Variants in CNBD1 observed in about 807,000 individuals in gnomAD.
CNBD1 encodes the protein cyclic nucleotide-binding domain-containing protein 1.
Under a neutral mutation model 54.4 loss-of-function variants are expected in CNBD1, and 71 were observed. The observed-to-expected ratio is 1.30, with a 90% CI of 1.08 to 1.59. The LOEUF (loss-of-function observed/expected upper bound fraction) is 1.59, where lower values mean the gene tolerates loss of function less well. CNBD1 is among the 40% of genes most tolerant of loss of function. The pLI, the probability that CNBD1 is intolerant of heterozygous loss-of-function variation, is 0.00. For missense variants in CNBD1, 659 were observed against 518.0 expected, an observed-to-expected ratio of 1.27 and a Z score of -2.64; for synonymous variants, 182 against 170.7, an observed-to-expected ratio of 1.07 and a Z score of -0.51.
chr8:87,086,425 G>A (rs1218987997), intron 4 of CNBD1, among the ~76,000 whole-genome samples: 1 of 152,128 alleles, frequency 6.6e-6, no homozygotes, highest in Non-Finnish European at 1.5e-5. Flanking sequence ...TTAGAAGGTG[G>A]GAGAGGCATT....
intron 4 of CNBD1, among the ~76,000 whole-genome samples, chr8:87,196,081 A>G (rs187712387): frequency 1.4e-4 from 22 of 152,276 alleles, no homozygotes; most frequent in African/African-American, 5.3e-4. Context: ...ACAGGACATA[A>G]TCAATCCTTT....
downstream of CNBD1, among the ~76,000 whole-genome samples, chr8:87,386,181 C>A (rs532422265): frequency 1.5e-4 from 23 of 152,172 alleles, no homozygotes; most frequent in South Asian, 4.6e-3. Flanking sequence ...AGCAAAAAAA[C>A]TGGAAACTCT....
intron 4 of CNBD1, among the ~76,000 whole-genome samples, chr8:87,071,844 AG>A (rs1236079106): frequency 2.0e-5 from 3 of 152,086 alleles, no homozygotes; most frequent in African/African-American, 7.2e-5. Context: ...TCTAGAGCTG[AG>A]TTCAGGTCCT....
intron 3 of CNBD1, among the ~76,000 whole-genome samples, chr8:86,921,535 T>G (rs1809275642): frequency 6.6e-6 from 1 of 152,204 alleles, no homozygotes; most frequent in Non-Finnish European, 1.5e-5. Context: ...CAGTTCCACA[T>G]GGCTGAGGAG....
chr8:87,117,414 A>C (rs936538336), intron 4 of CNBD1, among the ~76,000 whole-genome samples: 11 of 151,676 alleles, frequency 7.3e-5, no homozygotes, highest in African/African-American at 2.4e-4. Flanking sequence ...AAAAAAAAAA[A>C]AGAACTGAGA....
intron 4 of CNBD1, among the ~76,000 whole-genome samples, chr8:87,042,970 G>C (rs1810104604): frequency 6.6e-6 from 1 of 152,126 alleles, no homozygotes; most frequent in Non-Finnish European, 1.5e-5. Flanking sequence ...GGTGGAACTA[G>C]CTGGGGCTGA....
chr8:87,286,594 A>T lies in CNBD1; in HGVS notation c.965A>T (p.Tyr322Phe), dbSNP rs1375710314. ...TTGAAATTAATCCGTATGTGTCCTT[A>T]TTATGAGGAATGGCCTACTTTATCC... ...QKLKLIRMCP[Y>F]YEEWPTLSIY... is the part of the protein sequence containing the mutation. Residue 322 changes from tyrosine to phenylalanine, a missense_variant, in exon 8 of 11, where the codon TAT becomes TTT. Tyr to Phe is a conservative substitution (Grantham distance 22). Transcript: ENST00000518476. 10 of 1,485,022 alleles carry T rather than the reference A, an allele frequency of 6.7e-6. No individual in the cohort carries two copies. The highest frequency in any genetic ancestry group is 9.2e-6 in the Non-Finnish European group (10 of 1,084,876). The allele number at this position is 1,485,022 out of a possible 1,614,324, so 92.0% of individuals were successfully genotyped here. A position where few individuals can be genotyped will look rare whatever the true frequency, so the allele number is the denominator to read the frequency against.
chr8:87,199,199 A>T (rs1586324202), intron 4 of CNBD1, among the ~76,000 whole-genome samples: 1 of 152,124 alleles, frequency 6.6e-6, no homozygotes, highest in Non-Finnish European at 1.5e-5. Context: ...AACTACATCA[A>T]TGGCAATGGT....
chr8:87,409,636 TC>T (rs1281278958), intron 2 of CNBD1, among the ~76,000 whole-genome samples: 9 of 152,106 alleles, frequency 5.9e-5, no homozygotes, highest in African/African-American at 2.2e-4. Context: ...ATAGGCAGAC[TC>T]TCCTGTTAGG....
chr8:87,369,646 A>C (rs137925536), intron 10 of CNBD1, among the ~76,000 whole-genome samples: 1 of 151,748 alleles, frequency 6.6e-6, no homozygotes, highest in Non-Finnish European at 1.5e-5. Flanking sequence ...TCTGGCCTCT[A>C]TAGTTTCCAA....
chr8:87,032,334 C>G (rs143557381), intron 4 of CNBD1, among the ~76,000 whole-genome samples: 3 of 152,200 alleles, frequency 2.0e-5, no homozygotes, highest in Non-Finnish European at 2.9e-5. Flanking sequence ...GGAAGCCTTA[C>G]TAATTATATA....
intron 4 of CNBD1, among the ~76,000 whole-genome samples, chr8:86,943,065 A>C (rs928293397): frequency 7.9e-5 from 12 of 151,990 alleles, no homozygotes; most frequent in Middle Eastern, 3.4e-3. Context: ...AAAAAAAAAA[A>C]CATTTTGAGT....
chr8:87,088,996 C>T (rs1037640095), intron 4 of CNBD1, among the ~76,000 whole-genome samples: 1 of 152,018 alleles, frequency 6.6e-6, no homozygotes, highest in African/African-American at 2.4e-5. Context: ...GAAGAGATGA[C>T]TTTGACTAAG....
intron 10 of CNBD1, among the ~76,000 whole-genome samples, chr8:87,364,231 A>G (rs2130940004): frequency 6.6e-6 from 1 of 150,936 alleles, no homozygotes; most frequent in Admixed American, 6.6e-5. Context: ...GTATCTATAT[A>G]TATGTATATA....
At chr8:86,876,814 A>G (rs1322564368) in intron 1 of CNBD1, among the ~76,000 whole-genome samples, 4 of 152,026 alleles carry the variant, frequency 2.6e-5, no homozygotes, top group Non-Finnish European at 5.9e-5. Context: ...TGATTAATAT[A>G]TGTAAAATCT....
intron 2 of CNBD1, among the ~76,000 whole-genome samples, chr8:87,414,392 G>A (rs1807803022): frequency 6.6e-6 from 1 of 152,082 alleles, no homozygotes; most frequent in South Asian, 2.1e-4. Context: ...AGAGGTGGGA[G>A]GGATAGCATT....
chr8:87,153,432 A>G (rs779146196), intron 4 of CNBD1, among the ~76,000 whole-genome samples: 8 of 152,172 alleles, frequency 5.3e-5, no homozygotes, highest in Non-Finnish European at 1.2e-4. Context: ...GAGAAAGACA[A>G]CAGCATAACA....
intron 1 of CNBD1, among the ~76,000 whole-genome samples, chr8:86,867,470 T>G (rs1182757392): frequency 1.3e-5 from 2 of 152,174 alleles, no homozygotes; most frequent in African/African-American, 4.8e-5. Flanking sequence ...TTTTAAAAAA[T>G]TAATGCTCAT....
intron 4 of CNBD1, among the ~76,000 whole-genome samples, chr8:86,975,064 A>G (rs1808311366): frequency 6.6e-6 from 1 of 152,046 alleles, no homozygotes; most frequent in Non-Finnish European, 1.5e-5. Context: ...AAATTACCTT[A>G]GTGTATACAG....
Sources: gnomAD v4.1 joint callset for allele counts (sites outside exome capture counted in the v4.1 genomes callset) on GRCh38, gnomAD v4.1.1 for gene constraint, MANE v1.5 for transcripts, NCBI Gene and HGNC (gene_info 2026-07-23, HGNC 2026-07-21) for gene names.